Variants in PPARA observed in about 807,000 individuals in gnomAD.
PPARA encodes the protein peroxisome proliferator activated receptor alpha, also known as peroxisome proliferator-activated receptor alpha.
Under a neutral mutation model 42.2 loss-of-function variants are expected in PPARA, and 22 were observed. The ratio of observed to expected loss-of-function variants is 0.52; its 90% CI spans 0.37 to 0.74. The LOEUF (loss-of-function observed/expected upper bound fraction) is 0.74, where lower values mean the gene tolerates loss of function less well. Among genes scored for constraint, PPARA ranks in the 30% least tolerant of loss-of-function variants. The pLI, the probability that PPARA is intolerant of heterozygous loss-of-function variation, is 0.00. For missense variants in PPARA, 465 were observed against 608.2 expected, an observed-to-expected ratio of 0.76 and a Z score of 2.48; for synonymous variants, 242 against 239.3, an observed-to-expected ratio of 1.01 and a Z score of -0.10.
rs751223456 is a variant in PPARA at position 46,224,100 on chromosome 22, C to G, written c.711+4086C>G. On this transcript the variant is annotated intron_variant, in intron 7 of 8. Coordinates refer to ENST00000407236, the MANE Select transcript of PPARA (RefSeq NM_005036.6). The surrounding 1 kb of genome is among the most constrained non-coding windows in gnomAD (Gnocchi z 5.7). ...CCACAAAGCCAGAGCACCGCAGGTACCAGTTTTCAAGGCAACCTCCAACCA... is the reference window on the plus strand; with the variant it reads ...CCACAAAGCCAGAGCACCGCAGGTAGCAGTTTTCAAGGCAACCTCCAACCA... 6.6e-6 allele frequency among the ~76,000 whole-genome samples: 1 copy of G among 152,180 alleles called. No individual in the cohort carries two copies. Among genetic ancestry groups the G allele is most frequent in the Non-Finnish European group, 1.5e-5 (1 of 68,032 alleles).
In PPARA at chr22:46,195,676, G is replaced by A. The variant is rs966077889; in HGVS notation, c.-42-2666G>A. Reference sequence around the variant, plus strand: ...ACCTCAAATGTGAACATATTTTTACGCAAATGCATTTAATGGGTGAATATT... The same window carrying A: ...ACCTCAAATGTGAACATATTTTTACACAAATGCATTTAATGGGTGAATATT... On this transcript the variant is annotated intron_variant, in intron 3 of 8. Coordinates refer to ENST00000407236, the MANE Select transcript of PPARA (RefSeq NM_005036.6). The surrounding 1 kb of genome is among the most constrained non-coding windows in gnomAD (Gnocchi z 4.6). Among the ~76,000 whole-genome samples the A allele has an allele frequency of 6.6e-6, 1 of 152,130 alleles. No individual in the cohort carries two copies. Among genetic ancestry groups the A allele is most frequent in the African/African-American group, 2.4e-5 (1 of 41,426 alleles).
At chr22:46,178,480 G>C (rs1929491133) in intron 3 of PPARA, among the ~76,000 whole-genome samples, 1 of 152,202 alleles carries the variant, frequency 6.6e-6, no homozygotes, top group Non-Finnish European at 1.5e-5. Flanking sequence ...GCAGTGCAGG[G>C]AGAGGGGAAA....
chr22:46,178,687 A>C (rs144561084), intron 3 of PPARA, among the ~76,000 whole-genome samples: 1 of 152,256 alleles, frequency 6.6e-6, no homozygotes, highest in East Asian at 1.9e-4. Flanking sequence ...GAACCATCTG[A>C]GAGGATTAGA....
At chr22:46,217,822 T>TC (rs1234791136) in intron 5 of PPARA, among the ~76,000 whole-genome samples, 2 of 75,720 alleles carry the variant, frequency 2.6e-5, no homozygotes, top group South Asian at 4.2e-4. Context: ...TTTCTTTCTT[T>TC]TTTTTTTTTT....
intron 4 of PPARA, among the ~76,000 whole-genome samples, chr22:46,201,227 A>G (rs181886417): frequency 2.0e-5 from 3 of 152,074 alleles, no homozygotes; most frequent in Non-Finnish European, 4.4e-5. Flanking sequence ...CTAGAGGGCT[A>G]TTCTCTGCAT....
At chr22:46,172,653 C>T (rs962883136) in intron 2 of PPARA, among the ~76,000 whole-genome samples, 3 of 152,208 alleles carry the variant, frequency 2.0e-5, no homozygotes, top group Admixed American at 6.5e-5. Flanking sequence ...ACCAAACGAT[C>T]GACAAACCAG....
intron 3 of PPARA, among the ~76,000 whole-genome samples, chr22:46,179,008 T>G (rs1929567998): frequency 6.6e-6 from 1 of 152,168 alleles, no homozygotes; most frequent in Non-Finnish European, 1.5e-5. Flanking sequence ...AAGAGCATGG[T>G]GCTGGCATCC....
intron 4 of PPARA, 91 bp downstream of exon 4, chr22:46,198,682 A>G (rs1427190925): frequency 2.6e-6 from 3 of 1,137,932 alleles, no homozygotes; most frequent in African/African-American, 2.2e-5. Flanking sequence ...TTTTTTTGAG[A>G]CGGAGTCTCG....
At chr22:46,199,576 C>G (rs1601723697) in intron 4 of PPARA, among the ~76,000 whole-genome samples, 1 of 152,038 alleles carries the variant, frequency 6.6e-6, no homozygotes, top group African/African-American at 2.4e-5. Flanking sequence ...CCCAGGAGCT[C>G]GAGGCTGCCA....
Position 46,231,531 on chromosome 22 carries a change from G to A in PPARA, c.712-261G>A, listed in dbSNP as rs1277015305. Among the ~76,000 whole-genome samples, 1 of 151,976 alleles carries A rather than the reference G, an allele frequency of 6.6e-6. No individual in the cohort carries two copies. The highest frequency in any genetic ancestry group is 1.5e-5 in the Non-Finnish European group (1 of 67,970). Reference sequence around the variant, plus strand: ...CCACCATGCCCAGCCCAGTACTTCAGTTTCTTAGCGATGAAATCCACCCAA... The same window carrying A: ...CCACCATGCCCAGCCCAGTACTTCAATTTCTTAGCGATGAAATCCACCCAA... On this transcript the variant is annotated intron_variant, in intron 7 of 8. Transcript: ENST00000407236. The surrounding 1 kb of genome is among the most constrained non-coding windows in gnomAD (Gnocchi z 7.7).
intron 2 of PPARA, among the ~76,000 whole-genome samples, chr22:46,152,664 C>T (rs1336019125): frequency 6.6e-6 from 1 of 152,134 alleles, no homozygotes; most frequent in South Asian, 2.1e-4. Flanking sequence ...GAGATAGACC[C>T]GTGCCAGAAC....
In PPARA at chr22:46,225,678, C is replaced by T. The variant is rs970069370; in HGVS notation, c.711+5664C>T. Among the ~76,000 whole-genome samples, 1 of 151,656 alleles carries T rather than the reference C, an allele frequency of 6.6e-6. No individual in the cohort carries two copies. Among genetic ancestry groups the T allele is most frequent in the Admixed American group, 6.6e-5 (1 of 15,240 alleles). ...CCACACGTGTACACAGATGCACCTC[C>T]ACCCCCATACATGCACATGGACACA... is the stretch of plus-strand genomic sequence containing the variant. On this transcript the variant is annotated intron_variant, in intron 7 of 8. Coordinates refer to ENST00000407236, the MANE Select transcript of PPARA (RefSeq NM_005036.6). The surrounding 1 kb of genome is among the most constrained non-coding windows in gnomAD (Gnocchi z 4.1).
intron 3 of PPARA, among the ~76,000 whole-genome samples, chr22:46,197,345 C>T (rs546672622): frequency 3.9e-5 from 6 of 152,072 alleles, no homozygotes; most frequent in African/African-American, 4.8e-5. Flanking sequence ...CCACTGTGCC[C>T]GGCCCAGGGA....
In PPARA at chr22:46,200,325, A is replaced by G. The variant is rs937413039; in HGVS notation, c.208+1734A>G. Among the ~76,000 whole-genome samples the G allele has an allele frequency of 3.3e-5, 5 of 152,252 alleles. No individual in the cohort carries two copies. Among genetic ancestry groups the G allele is most frequent in the African/African-American group, 4.8e-5 (2 of 41,472 alleles). ...TTTCATCATTGTGTGAAAGTCATAG[A>G]GTACACTTAAACCCAGATGGTAGAG... On this transcript the variant is annotated intron_variant, in intron 4 of 8. Coordinates refer to ENST00000407236, the MANE Select transcript of PPARA (RefSeq NM_005036.6). This position sits in a 1 kb window ranked among gnomAD's most constrained non-coding sequence, Gnocchi z 4.8.
At chr22:46,229,053 G>A (rs561728209) in intron 7 of PPARA, among the ~76,000 whole-genome samples, 1 of 150,976 alleles carries the variant, frequency 6.6e-6, no homozygotes, top group South Asian at 2.1e-4. Flanking sequence ...CTTGCTGTGA[G>A]CCAAGATCAC....
rs1265517089 is a variant in PPARA at position 46,165,432 on chromosome 22, T to G, written c.-126-11321T>G. On this transcript the variant is annotated intron_variant, in intron 2 of 8. Coordinates refer to ENST00000407236, the MANE Select transcript of PPARA (RefSeq NM_005036.6). This position sits in a 1 kb window ranked among gnomAD's most constrained non-coding sequence, Gnocchi z 5.5. ...ACATATGTGGAGGAATTGGAGAGTT[T>G]ACAAGATAGTGAAGAACTGCCAGGC... The G allele has an allele frequency of 6.6e-6, 1 of 152,236 alleles. No individual in the cohort carries two copies. The highest frequency in any genetic ancestry group is 1.5e-5 in the Non-Finnish European group (1 of 68,042). 9.4% of individuals were successfully genotyped at this position (152,236 alleles called of 1,614,324 possible). A position where few individuals can be genotyped will look rare whatever the true frequency, so the allele number is the denominator to read the frequency against.
At chr22:46,177,657 G>A (rs1421530366) in intron 3 of PPARA, among the ~76,000 whole-genome samples, 1 of 152,092 alleles carries the variant, frequency 6.6e-6, no homozygotes, top group Admixed American at 6.5e-5. Flanking sequence ...AACCTCAGGT[G>A]TATGCCAATG....
chr22:46,168,048 C>T (rs1243286272), intron 2 of PPARA, among the ~76,000 whole-genome samples: 1 of 151,702 alleles, frequency 6.6e-6, no homozygotes, highest in African/African-American at 2.4e-5. Context: ...AAGACTAAGA[C>T]TCAGTCTCTT....
rs1932185888 is a variant in PPARA, at chr22:46,195,982, G to C, written c.-42-2360G>C. On this transcript the variant is annotated intron_variant, in intron 3 of 8. Coordinates refer to ENST00000407236, the MANE Select transcript of PPARA (RefSeq NM_005036.6). The surrounding 1 kb of genome is among the most constrained non-coding windows in gnomAD (Gnocchi z 4.6). ...AGGCAGCGGTGGGCAGGGCGGTTCA[G>C]GCAGGTGGCACCTGGGCAAAGGTGC... 6.6e-6 allele frequency among the ~76,000 whole-genome samples: 1 copy of C among 152,202 alleles called. No individual in the cohort carries two copies. Among genetic ancestry groups the C allele is most frequent in the Admixed American group, 6.5e-5 (1 of 15,278 alleles).
Sources: gnomAD v4.1 joint callset for allele counts (sites outside exome capture counted in the v4.1 genomes callset) on GRCh38, gnomAD v4.1.1 for gene constraint, Gnocchi (gnomAD v3.1) non-coding constraint, MANE v1.5 for transcripts, NCBI Gene and HGNC (gene_info 2026-07-23, HGNC 2026-07-21) for gene names.